Variants in SGPP2 observed in about 807,000 individuals in gnomAD.
SGPP2 encodes sphingosine 1-phosphate phosphohydrolase 2.
Under a neutral mutation model 33.9 loss-of-function variants are expected in SGPP2, and 30 were observed. The observed-to-expected ratio is 0.89, with a 90% confidence interval of 0.66 to 1.20. The LOEUF is 1.20. Among genes scored for constraint, SGPP2 ranks in the 50% most tolerant of loss-of-function variants. The pLI, the probability that SGPP2 is intolerant of heterozygous loss-of-function variation, is 0.00. For synonymous variants in SGPP2, 233 were observed against 225.0 expected, an observed-to-expected ratio of 1.04 and a Z score of -0.32; for missense variants, 458 against 532.1, an observed-to-expected ratio of 0.86 and a Z score of 1.37.
chr2:222,444,632 A>G (rs562342333), intron 1 of SGPP2, among the ~76,000 whole-genome samples: 1 of 152,324 alleles, frequency 6.6e-6, no homozygotes, highest in African/African-American at 2.4e-5. Context: ...TTCAAAGTTC[A>G]TCTGAACAAG....
At chr2:222,449,026 G>T (rs1185900345) in intron 1 of SGPP2, among the ~76,000 whole-genome samples, 1 of 152,184 alleles carries the variant, frequency 6.6e-6, no homozygotes, top group African/African-American at 2.4e-5. Context: ...TGACCGTGAA[G>T]GTTGCTCAAC....
intron 4 of SGPP2, among the ~76,000 whole-genome samples, chr2:222,537,488 A>T (rs1698932692): frequency 6.6e-6 from 1 of 152,240 alleles, no homozygotes; most frequent in South Asian, 2.1e-4. Context: ...GTATAGAGAT[A>T]TGAAGGAATA....
At chr2:222,443,621 G>T (rs1697357704) in intron 1 of SGPP2, among the ~76,000 whole-genome samples, 1 of 152,162 alleles carries the variant, frequency 6.6e-6, no homozygotes, top group African/African-American at 2.4e-5. Flanking sequence ...GCAGGTCTGT[G>T]TTGTGCCAAG....
chr2:222,549,157 A>T (rs1473617285), intron 4 of SGPP2, among the ~76,000 whole-genome samples: 1 of 152,266 alleles, frequency 6.6e-6, no homozygotes, highest in East Asian at 1.9e-4. Flanking sequence ...AGAGGGGAAG[A>T]TGCCAGAATC....
chr2:222,544,598 A>G (rs1176700132), intron 4 of SGPP2, among the ~76,000 whole-genome samples: 1 of 152,200 alleles, frequency 6.6e-6, no homozygotes, highest in Non-Finnish European at 1.5e-5. Flanking sequence ...AATAGTTGTT[A>G]TGCTTTATCA....
intron 1 of SGPP2, among the ~76,000 whole-genome samples, chr2:222,434,993 C>T (rs1360141311): frequency 2.1e-4 from 19 of 89,088 alleles, no homozygotes; most frequent in African/African-American, 4.7e-4. Context: ...CACACACACA[C>T]ACACACACAC....
In SGPP2 at chr2:222,449,143, G is replaced by A. The variant is rs903456682; in HGVS notation, c.219+24322G>A. 3.9e-5 allele frequency among the ~76,000 whole-genome samples: 6 copies of A among 152,172 alleles called. No homozygotes were observed. In the East Asian group the frequency reaches 7.7e-4, roughly 19 times the overall value. On this transcript the variant is annotated intron_variant, in intron 1 of 4. Transcript: ENST00000321276. ...TACAGATGCTGCCTTCCCACTGTGCGTTCTGTCTTGTCTCTCTCCCTTTCT... is the reference window on the plus strand; with the variant it reads ...TACAGATGCTGCCTTCCCACTGTGCATTCTGTCTTGTCTCTCTCCCTTTCT...
At chr2:222,522,101 A>G (rs576529121) in intron 3 of SGPP2, among the ~76,000 whole-genome samples, 155 bp downstream of exon 3, 1 of 152,384 alleles carries the variant, frequency 6.6e-6, no homozygotes, top group South Asian at 2.1e-4. Context: ...TGACAATTGC[A>G]TCATAAATAA....
At chr2:222,500,445 G>T (rs550196119) in intron 2 of SGPP2, among the ~76,000 whole-genome samples, 1 of 152,182 alleles carries the variant, frequency 6.6e-6, no homozygotes, top group Non-Finnish European at 1.5e-5. Flanking sequence ...AGAAGATAGT[G>T]CACTCATTCT....
Position 222,558,818 on chromosome 2 carries a change from A to T in SGPP2, c.1120A>T (p.Lys374Ter). 1 of 1,614,108 alleles carries T rather than the reference A, an allele frequency of 6.2e-7. No homozygotes were observed. Among genetic ancestry groups the T allele is most frequent in the Non-Finnish European group, 8.5e-7 (1 of 1,180,022 alleles). ...GAGACTGGAGATTGAAGTGCCTTAC[A>T]AGTTTGTTACCTACACATCTGTTGG... ...RRRLEIEVPY[K>*]FVTYTSVGIC... Residue 374 changes from lysine to a stop codon, truncating the protein, a stop_gained, in exon 5 of 5, where the codon AAG becomes TAG. Coordinates refer to ENST00000321276, the MANE Select transcript of SGPP2 (RefSeq NM_152386.4). LOFTEE classifies it high-confidence loss of function.
At chr2:222,500,507 G>A (rs575123467) in intron 2 of SGPP2, among the ~76,000 whole-genome samples, 20 of 152,270 alleles carry the variant, frequency 1.3e-4, no homozygotes, top group Non-Finnish European at 2.8e-4. Context: ...CCCTGCTGAC[G>A]GTCACCGTGT....
At position 222,543,860 on chromosome 2, in the gene SGPP2, A is replaced by G. The variant is rs369503403; in HGVS notation, c.649-14487A>G. On this transcript the variant is annotated intron_variant, in intron 4 of 4. Transcript: ENST00000321276. The stretch of plus-strand genomic sequence containing the variant: ...ATATAAATTTTCGAATCGGCTTTTC[A>G]TTTTCTCCAATGCTGGACTTTTTCT... 6.6e-5 allele frequency among the ~76,000 whole-genome samples: 10 copies of G among 152,104 alleles called. No homozygotes were observed. In the South Asian group the frequency reaches 8.3e-4, roughly 13 times the overall value.
intron 3 of SGPP2, among the ~76,000 whole-genome samples, chr2:222,523,911 C>G (rs978370865): frequency 6.6e-6 from 1 of 152,118 alleles, no homozygotes; most frequent in African/African-American, 2.4e-5. Context: ...TAAGAACAGA[C>G]ATGACAACCA....
chr2:222,427,276 T>A (rs1392998614), intron 1 of SGPP2, among the ~76,000 whole-genome samples: 1 of 152,182 alleles, frequency 6.6e-6, no homozygotes, highest in Non-Finnish European at 1.5e-5. Flanking sequence ...ACTTTTTTTT[T>A]AAGAGACAGG....
intron 1 of SGPP2, among the ~76,000 whole-genome samples, chr2:222,468,494 C>G (rs2106090755): frequency 6.6e-6 from 1 of 152,296 alleles, no homozygotes; most frequent in Non-Finnish European, 1.5e-5. Flanking sequence ...ATTGACTTCC[C>G]CAAGGTCACA....
chr2:222,446,754 A>G (rs1243260263), intron 1 of SGPP2, among the ~76,000 whole-genome samples: 1 of 152,224 alleles, frequency 6.6e-6, no homozygotes, highest in East Asian at 1.9e-4. Flanking sequence ...GCCATTTTGA[A>G]CAGATTGACA....
intron 1 of SGPP2, chr2:222,453,249 A>G: frequency 2.6e-6 from 2 of 763,388 alleles, no homozygotes; most frequent in Non-Finnish European, 4.9e-6. Context: ...TTACAATCAG[A>G]TGCTTTGAAG....
chr2:222,510,609 A>T (rs1240184297), intron 2 of SGPP2, among the ~76,000 whole-genome samples: 1 of 152,164 alleles, frequency 6.6e-6, no homozygotes, highest in Non-Finnish European at 1.5e-5. Context: ...GAAAAAAGAT[A>T]TTGGGATCTT....
rs889317663 is a variant in SGPP2 at position 222,558,942 on chromosome 2, G to C, written c.*44G>C. 6.4e-7 allele frequency: 1 copy of C among 1,563,492 alleles called. No individual in the cohort carries two copies. On this transcript the variant is annotated 3_prime_UTR_variant, in exon 5 of 5. Coordinates refer to ENST00000321276, the MANE Select transcript of SGPP2 (RefSeq NM_152386.4). ...CTAGCCCACTGGACATGAAAGCCAA[G>C]ACATAGGAAAGTTATTGGTAGGCAA...
Sources: allele counts gnomAD v4.1 joint callset (sites outside exome capture counted in the v4.1 genomes callset), GRCh38; gene constraint gnomAD v4.1.1; transcripts MANE v1.5; gene names NCBI Gene and HGNC (gene_info 2026-07-23, HGNC 2026-07-21).